Variants in ANK3 observed in about 807,000 individuals in gnomAD.
ANK3 encodes the protein ankyrin-3.
ANK3 carries 57 observed loss-of-function variants against 370.9 expected under a neutral mutation model. That is an observed-to-expected ratio of 0.15 (90% CI 0.12 to 0.19). The LOEUF (loss-of-function observed/expected upper bound fraction) is 0.19, where lower values mean the gene tolerates loss of function less well. ANK3 is among the 10% of genes least tolerant of loss of function. The probability of loss-of-function intolerance (pLI) is 1.00; values close to 1 mark genes in which losing one functional copy is unlikely to be tolerated. For synonymous variants in ANK3, 1,929 were observed against 1,946.3 expected, an observed-to-expected ratio of 0.99 and a Z score of 0.23; for missense variants, 4,439 against 5,302.1, an observed-to-expected ratio of 0.84 and a Z score of 5.06.
intron 1 of ANK3, among the ~76,000 whole-genome samples, chr10:60,680,232 C>G (rs1180654696): frequency 6.6e-6 from 1 of 152,136 alleles, no homozygotes; most frequent in East Asian, 1.9e-4. Flanking sequence ...CTTTAAGCCC[C>G]TCAGTTGAAT....
intron 1 of ANK3, among the ~76,000 whole-genome samples, chr10:60,643,542 A>G (rs977401185): frequency 6.9e-6 from 1 of 145,558 alleles, no homozygotes; most frequent in Non-Finnish European, 1.5e-5. Context: ...CTATCTATCT[A>G]TCCATCCATC....
In ANK3 at chr10:60,070,154, G is replaced by A; in HGVS notation, c.10727C>T (p.Pro3576Leu). 2 of 1,614,146 alleles carry A rather than the reference G, an allele frequency of 1.2e-6. No individual in the cohort carries two copies. Among genetic ancestry groups the A allele is most frequent in the African/African-American group, 1.3e-5 (1 of 75,046 alleles). ...TGGCGTTGTATCAGGGGTTGTTGCT[G>A]GAGAGCGGTCTTCTACCGCCAGCCC... ...PFGLAVEDRS[P>L]ATTPDTTPAR... The change falls in exon 37 of 44, where the codon CCA becomes CTA. Residue 3576 changes from proline to leucine, a missense_variant. Transcript: ENST00000280772. The surrounding 1 kb of genome is among the most constrained non-coding windows in gnomAD (Gnocchi z 5.7).
At position 60,730,229 on chromosome 10, in the gene ANK3, C is replaced by T. The variant is rs1304272854; in HGVS notation, c.57+3034G>A. ...CTGGAGTGCAGTGGCATGAGTATCA[C>T]TTACTGTGGCCTCAACCTCCCAGGC... On this transcript the variant is annotated intron_variant, in intron 1 of 43. Coordinates refer to the ANK3 transcript ENST00000373827. 2.0e-5 allele frequency among the ~76,000 whole-genome samples: 3 copies of T among 152,104 alleles called. No individual in the cohort carries two copies. The East Asian group carries it at 5.8e-4, about 29-fold the overall frequency.
At chr10:60,573,811 G>T (rs1415079905) in intron 2 of ANK3, among the ~76,000 whole-genome samples, 2 of 152,204 alleles carry the variant, frequency 1.3e-5, no homozygotes, top group African/African-American at 4.8e-5. Context: ...AGTACAAAGT[G>T]AGAGTGGGGT....
intron 23 of ANK3, among the ~76,000 whole-genome samples, chr10:60,149,306 A>G (rs561776330): frequency 1.3e-5 from 2 of 152,202 alleles, no homozygotes; most frequent in East Asian, 3.9e-4. Flanking sequence ...CCCCTTGCTC[A>G]TTCATTCTCA....
chr10:60,222,516 G>C (rs1358999895), intron 8 of ANK3, among the ~76,000 whole-genome samples: 1 of 151,538 alleles, frequency 6.6e-6, no homozygotes, highest in Non-Finnish European at 1.5e-5. Context: ...TCATTTCTTT[G>C]GCTTTGAAGC....
rs182622968 is a variant in ANK3 at position 60,265,230 on chromosome 10, C to G, written c.514-1210G>C. 3.6e-4 allele frequency among the ~76,000 whole-genome samples: 55 copies of G among 152,268 alleles called. 1 individual carries two copies. The highest frequency in any genetic ancestry group is 2.5e-3 in the Admixed American group (39 of 15,302). ...AAATAAAAACAAAAACTTATCCCTC[C>G]TCATTGACCATTACCTCCTGTCTCC... On this transcript the variant is annotated intron_variant, in intron 5 of 43. Transcript: ENST00000280772.
At chr10:60,663,061 C>T (rs2078954575) in intron 1 of ANK3, among the ~76,000 whole-genome samples, 1 of 152,154 alleles carries the variant, frequency 6.6e-6, no homozygotes, top group Admixed American at 6.5e-5. Flanking sequence ...CTTTTCTCCT[C>T]CATGAACTCG....
chr10:60,036,332 T>C (rs4948381), intron 43 of ANK3, among the ~76,000 whole-genome samples: 53,319 of 151,670 alleles, frequency 0.35, 9,667 homozygotes, highest in African/African-American at 0.43. Flanking sequence ...TCTTGGTTTT[T>C]TTAATACTAG....
chr10:60,490,062 G>A (rs1264087084), intron 2 of ANK3, among the ~76,000 whole-genome samples: 1 of 152,136 alleles, frequency 6.6e-6, no homozygotes, highest in Non-Finnish European at 1.5e-5. Flanking sequence ...ACTGCCTTCT[G>A]CTGCTCTCCC....
chr10:60,527,867 GGTCT>G (rs1306735335), intron 2 of ANK3, among the ~76,000 whole-genome samples: 1 of 151,990 alleles, frequency 6.6e-6, no homozygotes, highest in Admixed American at 6.6e-5. Flanking sequence ...AATTCCTATA[GGTCT>G]GTCTGCACTA....
At chr10:60,351,308 G>A (rs1242900372) in intron 1 of ANK3, among the ~76,000 whole-genome samples, 1 of 151,998 alleles carries the variant, frequency 6.6e-6, no homozygotes, top group African/African-American at 2.4e-5. Context: ...AACAACAAGG[G>A]GTAAAGTCCT....
At chr10:60,331,154 AT>A (rs2051172518) in intron 1 of ANK3, among the ~76,000 whole-genome samples, 1 of 152,272 alleles carries the variant, frequency 6.6e-6, no homozygotes, top group Middle Eastern at 3.4e-3. Flanking sequence ...ATTAGGAGAA[AT>A]ACCTAATGTA....
At chr10:60,563,782 A>G (rs2077395592) in intron 2 of ANK3, among the ~76,000 whole-genome samples, 3 of 152,208 alleles carry the variant, frequency 2.0e-5, no homozygotes, top group Non-Finnish European at 2.9e-5. Flanking sequence ...GCTACTATAT[A>G]TAAAATAAAT....
chr10:60,069,199 T>C lies in ANK3; in HGVS notation c.11682A>G (p.Gln3894=). The stretch of plus-strand genomic sequence containing the variant: ...TAGTAAGGGCTTTGGTTTTCTCGGA[T>C]TGACTAACCTGCTTCATTTTACTTG... ...TKASKMKQVS[Q]SEKTKALTTS... The change falls in exon 37 of 44, where the codon CAA becomes CAG. Residue 3894 remains glutamine, a synonymous_variant. Transcript: ENST00000280772. The C allele has an allele frequency of 1.2e-6, 2 of 1,614,174 alleles. No individual in the cohort carries two copies. Among genetic ancestry groups the C allele is most frequent in the Non-Finnish European group, 1.7e-6 (2 of 1,180,010 alleles).
At chr10:60,222,608 T>A (rs2097079922) in intron 8 of ANK3, among the ~76,000 whole-genome samples, 1 of 152,202 alleles carries the variant, frequency 6.6e-6, no homozygotes, top group Non-Finnish European at 1.5e-5. Context: ...TCACTAACTG[T>A]CATTCACAGT....
rs762146145 is a variant in ANK3, at chr10:60,073,614, G to A, written c.7267C>T (p.Arg2423Cys). Residue 2423 changes from arginine to cysteine, a missense_variant, in exon 37 of 44, where the codon CGC (arginine) becomes TGC (cysteine). Physicochemically the swap from Arg to Cys is radical, Grantham distance 180 (BLOSUM62 -3). This residue lies in a region of ANK3 where 1,601 missense variants were observed against 1,731.7 expected (regional missense o/e 0.92). Transcript: ENST00000280772. ...GATATGAGTTGAGCAGAACTAGGGC[G>A]GCTATCTTCTTCTTGGGACACAGGA... Reference protein sequence around the residue: ...NTPVSQEEDSRPSSAQLISDD... With the variant: ...NTPVSQEEDSCPSSAQLISDD... The A allele has an allele frequency of 1.7e-5, 28 of 1,613,776 alleles. No homozygotes were observed. Among genetic ancestry groups the A allele is most frequent in the African/African-American group, 2.7e-5 (2 of 74,868 alleles).
chr10:60,427,143 T>A (rs971011248), intron 2 of ANK3, among the ~76,000 whole-genome samples: 10 of 152,172 alleles, frequency 6.6e-5, no homozygotes, highest in Non-Finnish European at 1.2e-4. Context: ...AGAGCAATAT[T>A]TATACCCAAC....
At chr10:60,400,840 A>G (rs1342713402) in intron 2 of ANK3, among the ~76,000 whole-genome samples, 3 of 151,982 alleles carry the variant, frequency 2.0e-5, no homozygotes, top group Non-Finnish European at 4.4e-5. Flanking sequence ...TGCATTAACT[A>G]TTTTTCTTAA....
Sources: gnomAD v4.1 joint callset for allele counts (sites outside exome capture counted in the v4.1 genomes callset) on GRCh38, gnomAD v4.1.1 for gene constraint, gnomAD v4.1.1 regional missense constraint, Gnocchi (gnomAD v3.1) non-coding constraint, MANE v1.5 for transcripts, NCBI Gene and HGNC (gene_info 2026-07-23, HGNC 2026-07-21) for gene names.